The following CDC14B variants were observed in gnomAD, a reference collection of about 807,000 sequenced individuals.
CDC14B encodes the protein cell division cycle 14B, also known as dual specificity protein phosphatase CDC14B.
CDC14B carries 22 observed loss-of-function variants against 64.2 expected under a neutral mutation model. That is an observed-to-expected ratio of 0.34 (90% CI 0.24 to 0.49). The LOEUF is 0.49. CDC14B is among the 20% of genes least tolerant of loss of function. The pLI, the probability that CDC14B is intolerant of heterozygous loss-of-function variation, is 0.99. For missense variants in CDC14B, 498 were observed against 629.9 expected, an observed-to-expected ratio of 0.79 and a Z score of 2.24; for synonymous variants, 191 against 215.8, an observed-to-expected ratio of 0.89 and a Z score of 1.01.
chr9:96,541,168 TA>T (rs1840003166), intron 6 of CDC14B, among the ~76,000 whole-genome samples: 1 of 152,224 alleles, frequency 6.6e-6, no homozygotes, highest in African/African-American at 2.4e-5. Flanking sequence ...GTCCTGACAT[TA>T]ATACCAGGAC....
At chr9:96,573,440 A>C (rs1844590814) in intron 1 of CDC14B, among the ~76,000 whole-genome samples, 2 of 152,262 alleles carry the variant, frequency 1.3e-5, no homozygotes, top group South Asian at 4.1e-4. Flanking sequence ...TACTTGTAAT[A>C]AGCAATTACG....
In CDC14B at chr9:96,500,415, CTGTACATGAG is replaced by C. The variant is rs1833459479; in HGVS notation, c.*3328_*3337del. ...GTTACATTTTAAAACTTTTAATAATCTGTACATGAGTGCAGGTTAGATAAAAGTCTGCAAA... is the reference window on the plus strand; with the variant it reads ...GTTACATTTTAAAACTTTTAATAATCTGCAGGTTAGATAAAAGTCTGCAAA... On this transcript the variant is annotated 3_prime_UTR_variant, in exon 14 of 14. Transcript: ENST00000375241. The C allele has an allele frequency of 6.6e-6, 1 of 152,598 alleles. No individual in the cohort carries two copies. Among genetic ancestry groups the C allele is most frequent in the Non-Finnish European group, 1.5e-5 (1 of 68,030 alleles). 9.5% of individuals were successfully genotyped at this position (152,598 alleles called of 1,614,324 possible). A position where few individuals can be genotyped will look rare whatever the true frequency, so the allele number is the denominator to read the frequency against.
At chr9:96,535,416 A>G (rs537081845) in intron 7 of CDC14B, among the ~76,000 whole-genome samples, 6 of 152,372 alleles carry the variant, frequency 3.9e-5, no homozygotes, top group Non-Finnish European at 8.8e-5. Context: ...AAAAACAAAT[A>G]TAAACTGATA....
At chr9:96,533,715 GAATA>G (rs1205793488) in intron 9 of CDC14B, among the ~76,000 whole-genome samples, 18 of 152,202 alleles carry the variant, frequency 1.2e-4, no homozygotes, top group Middle Eastern at 3.4e-3. Flanking sequence ...AATATTTGAT[GAATA>G]AATAAATGCA....
At chr9:96,555,514 G>A (rs1165100805) in intron 4 of CDC14B, among the ~76,000 whole-genome samples, 5 of 152,200 alleles carry the variant, frequency 3.3e-5, no homozygotes, top group African/African-American at 9.7e-5. Context: ...AAGACAATTC[G>A]TACTGTTGTT....
chr9:96,505,071 T>C (rs549566921), intron 13 of CDC14B, among the ~76,000 whole-genome samples: 58 of 151,880 alleles, frequency 3.8e-4, no homozygotes, highest in Non-Finnish European at 6.6e-4. Flanking sequence ...TTCCCAGCTA[T>C]GCAGGAGGCT....
At chr9:96,581,333 G>A (rs975957152) in intron 1 of CDC14B, among the ~76,000 whole-genome samples, 2 of 151,962 alleles carry the variant, frequency 1.3e-5, no homozygotes, top group Non-Finnish European at 2.9e-5. Context: ...GCCAGACACA[G>A]CGGCTCATGC....
intron 4 of CDC14B, among the ~76,000 whole-genome samples, chr9:96,558,198 A>G (rs1031479184): frequency 2.0e-5 from 3 of 152,184 alleles, no homozygotes; most frequent in Admixed American, 6.5e-5. Flanking sequence ...CTTTGGTACA[A>G]ATGTACAGTT....
rs546999391 is a variant in CDC14B at position 96,510,622 on chromosome 9, T to C, written c.1344-833A>G. Among the ~76,000 whole-genome samples, 294 of 152,048 alleles carry C rather than the reference T, an allele frequency of 1.9e-3. 2 individuals carry two copies. The highest frequency in any genetic ancestry group is 6.9e-3 in the African/African-American group (287 of 41,458). Reference sequence around the variant, plus strand: ...TATATGCAATTCTTTTTTTTTTTTTTTGAGATGGAGTCTTGCTCTGTCGCC... The same window carrying C: ...TATATGCAATTCTTTTTTTTTTTTTCTGAGATGGAGTCTTGCTCTGTCGCC... On this transcript the variant is annotated intron_variant, in intron 12 of 13. Transcript: ENST00000375241.
intron 1 of CDC14B, among the ~76,000 whole-genome samples, chr9:96,594,714 C>CA (rs11414625): frequency 0.15 from 6,262 of 41,076 alleles, 610 homozygotes; most frequent in African/African-American, 0.21. Context: ...AAGGCTGTCT[C>CA]AAAAAAAAAA....
chr9:96,587,592 T>G (rs550213370), intron 1 of CDC14B, among the ~76,000 whole-genome samples: 1 of 152,220 alleles, frequency 6.6e-6, no homozygotes, highest in African/African-American at 2.4e-5. Context: ...CAAGTGAATA[T>G]GTACACAGAG....
At chr9:96,559,897 C>T (rs910676194) in intron 4 of CDC14B, among the ~76,000 whole-genome samples, 3 of 151,994 alleles carry the variant, frequency 2.0e-5, no homozygotes, top group Non-Finnish European at 4.4e-5. Flanking sequence ...CTTCTGTGGT[C>T]CAAAATACAA....
intron 1 of CDC14B, among the ~76,000 whole-genome samples, chr9:96,587,250 A>C (rs1236888316): frequency 6.6e-6 from 1 of 152,188 alleles, no homozygotes; most frequent in East Asian, 1.9e-4. Context: ...TCACCATCCA[A>C]AAGAACTTTC....
At chr9:96,565,626 C>A in intron 1 of CDC14B, 143 bp from the exon 2 acceptor site, 1 of 681,508 alleles carries the variant, frequency 1.5e-6, no homozygotes, top group Non-Finnish European at 2.7e-6. Flanking sequence ...TGGGTAATTA[C>A]AAAATATTCT....
rs760099702 is a variant in CDC14B at position 96,509,709 on chromosome 9, G to A, written c.1424C>T (p.Thr475Ile). ...ISGSAGITKR[T>I]TRSASRKSSV... Reference sequence around the variant, plus strand: ...GCTTTTCCTTGAAGCAGATCTGGTGGTTCTTTTAGTAATGCCTGCACTGCC... The same window carrying A: ...GCTTTTCCTTGAAGCAGATCTGGTGATTCTTTTAGTAATGCCTGCACTGCC... Residue 475 changes from threonine (T) to isoleucine (I), a missense_variant, in exon 13 of 14, where the codon ACC (threonine) becomes ATC (isoleucine). Coordinates refer to ENST00000375241, the MANE Select transcript of CDC14B (RefSeq NM_033331.4). 154 of 1,611,640 alleles carry A rather than the reference G, an allele frequency of 9.6e-5. No homozygotes were observed. In the South Asian group the frequency reaches 1.6e-3, roughly 17 times the overall value.
rs142811347 is a variant in CDC14B, at chr9:96,515,857, CATCA to C, written c.1344-6072_1344-6069del. On this transcript the variant is annotated intron_variant, in intron 12 of 13. Coordinates refer to ENST00000375241, the MANE Select transcript of CDC14B (RefSeq NM_033331.4). This position sits in a 1 kb window ranked among gnomAD's most constrained non-coding sequence, Gnocchi z 4.3. ...GGGAAGCCAAAATAAATTACGCAAT[CATCA>C]ATCAATCAAGCCATATGTGAATTTT... is the stretch of plus-strand genomic sequence containing the variant. The C allele has an allele frequency of 7.0e-5, 101 of 1,447,222 alleles. No individual in the cohort carries two copies. The East Asian group carries it at 2.6e-3, about 37-fold the overall frequency. The allele number at this position is 1,447,222 out of a possible 1,614,324, so 89.6% of individuals were successfully genotyped here. A position where few individuals can be genotyped will look rare whatever the true frequency, so the allele number is the denominator to read the frequency against.
chr9:96,495,025 G>A (rs894701539), intron 13 of CDC14B, among the ~76,000 whole-genome samples: 1 of 151,588 alleles, frequency 6.6e-6, no homozygotes, highest in Admixed American at 6.6e-5. Flanking sequence ...TAGTAGAGAC[G>A]GGGTTTCACC....
rs558766596 is a variant in CDC14B at position 96,493,831 on chromosome 9, A to G, written c.*81-579T>C. On this transcript the variant is annotated intron_variant and NMD_transcript_variant, in intron 13 of 13. Transcript: ENST00000474602. ...CAGAGAAAAACTTCATCTCTTAAAAAAAGTGCAGAACTGCCTTGTAACCAC... is the reference window on the plus strand; with the variant it reads ...CAGAGAAAAACTTCATCTCTTAAAAGAAGTGCAGAACTGCCTTGTAACCAC... 4.6e-5 allele frequency among the ~76,000 whole-genome samples: 7 copies of G among 152,312 alleles called. No homozygotes were observed. In the South Asian group the frequency reaches 1.5e-3, roughly 32 times the overall value.
At chr9:96,493,156 G>A (rs576461371) in exon 14 of CDC14B, 7 of 152,444 alleles carry the variant, frequency 4.6e-5, no homozygotes, top group African/African-American at 1.2e-4. Context: ...CTGAGCCTGC[G>A]TCTCCGAAGC....
Sources: gnomAD v4.1 joint callset for allele counts (sites outside exome capture counted in the v4.1 genomes callset) on GRCh38, gnomAD v4.1.1 for gene constraint, Gnocchi (gnomAD v3.1) non-coding constraint, MANE v1.5 for transcripts, NCBI Gene and HGNC (gene_info 2026-07-23, HGNC 2026-07-21) for gene names.